MYOM2: variants seen among roughly 807,000 people sequenced by gnomAD.
MYOM2 encodes the protein myomesin-2.
MYOM2 carries 254 observed loss-of-function variants against 187.6 expected under a neutral mutation model. The observed-to-expected ratio is 1.35, with a 90% CI of 1.22 to 1.50. The LOEUF is 1.50. Among genes scored for constraint, MYOM2 ranks in the 40% most tolerant of loss-of-function variants. The pLI, the probability that MYOM2 is intolerant of heterozygous loss-of-function variation, is 0.00. For missense variants in MYOM2, 2,796 were observed against 1,924.0 expected (o/e 1.45, Z -8.48); for synonymous variants, 981 against 753.8 (o/e 1.30, Z -4.94).
intron 6 of MYOM2, among the ~76,000 whole-genome samples, chr8:2,060,993 C>T (rs919505129): frequency 6.6e-6 from 1 of 152,012 alleles, no homozygotes; most frequent in Non-Finnish European, 1.5e-5. Flanking sequence ...CGAGCCTCCC[C>T]AGCAGGGTTC....
At chr8:2,073,634 C>A in intron 10 of MYOM2, 134 bp downstream of exon 10, 1 of 1,092,378 alleles carries the variant, frequency 9.2e-7, no homozygotes, top group Non-Finnish European at 1.2e-6. Flanking sequence ...AGACCCCATG[C>A]GGCCCCGATT....
Position 2,052,233 on chromosome 8 carries a change from G to C in MYOM2, c.183G>C (p.Thr61=). The C allele has an allele frequency of 6.2e-7, 1 of 1,613,258 alleles. No individual in the cohort carries two copies. The highest frequency in any genetic ancestry group is 8.5e-7 in the Non-Finnish European group (1 of 1,179,774). ...CTTCACAGAGAGCCTCCAGCCAGAC[G>C]TCCCTGGGAGGAACCATCTGCAGGG... ...RSSSQRASSQ[T]SLGGTICRVC... is the part of the protein sequence containing the mutation. Residue 61 remains threonine (T), a synonymous_variant, in exon 3 of 37, where the codon ACG becomes ACC. Transcript: ENST00000262113.
At chr8:2,066,330 C>T (rs973117385) in intron 6 of MYOM2, among the ~76,000 whole-genome samples, 2 of 152,210 alleles carry the variant, frequency 1.3e-5, no homozygotes, top group Non-Finnish European at 2.9e-5. Flanking sequence ...AGATTCCGAT[C>T]AAGCAGATTT....
At chr8:2,066,312 A>T (rs1329747144) in intron 6 of MYOM2, among the ~76,000 whole-genome samples, 1 of 152,212 alleles carries the variant, frequency 6.6e-6, no homozygotes, top group African/African-American at 2.4e-5. Flanking sequence ...GACAGGCTCC[A>T]GGTCAGCAGA....
intron 15 of MYOM2, 138 bp downstream of exon 15, chr8:2,090,329 C>T (rs955745042): frequency 3.0e-5 from 23 of 754,192 alleles, no homozygotes; most frequent in African/African-American, 5.4e-5. Context: ...CTTCACTTTA[C>T]GAGAGATTAA....
intron 14 of MYOM2, among the ~76,000 whole-genome samples, chr8:2,086,397 G>GATCTCCGCGTGGCCCCCCACTGTCA (rs1796059158): frequency 1.4e-5 from 1 of 69,810 alleles, no homozygotes; most frequent in Non-Finnish European, 2.9e-5. Flanking sequence ...TCCCACTGTT[G>GATCTCCGCGTGGCCCCCCACTGTCA]TGATCTCTGC....
intron 21 of MYOM2, among the ~76,000 whole-genome samples, chr8:2,104,901 G>C (rs1796841055): frequency 6.6e-6 from 1 of 152,192 alleles, no homozygotes; most frequent in African/African-American, 2.4e-5. Flanking sequence ...AAAGACACGA[G>C]TCTATCTTAA....
At chr8:2,100,546 G>T (rs1175872162) in intron 19 of MYOM2, 2 of 286,708 alleles carry the variant, frequency 7.0e-6, no homozygotes, top group Non-Finnish European at 6.7e-6. Context: ...GTCCAGCCCC[G>T]TGGAGGGTAA....
intron 31 of MYOM2, chr8:2,127,607 G>A (rs1379443345): frequency 6.5e-6 from 1 of 154,630 alleles, no homozygotes; most frequent in African/African-American, 2.6e-5. Context: ...CGCAGCCGCA[G>A]GCAGGCAGTA....
chr8:2,049,149 G>T (rs543727465), intron 1 of MYOM2, among the ~76,000 whole-genome samples: 1 of 152,328 alleles, frequency 6.6e-6, no homozygotes, highest in Non-Finnish European at 1.5e-5. Context: ...TAGAATGCAT[G>T]CTGGTGCACT....
intron 31 of MYOM2, among the ~76,000 whole-genome samples, chr8:2,125,652 G>C (rs546954402): frequency 8.2e-6 from 1 of 122,348 alleles, no homozygotes; most frequent in South Asian, 2.6e-4. Context: ...CCTGTTGCCA[G>C]GCTGTAGTGC....
intron 21 of MYOM2, 120 bp downstream of exon 21, chr8:2,102,901 T>G: frequency 1.3e-6 from 1 of 741,116 alleles, no homozygotes; most frequent in Non-Finnish European, 2.3e-6. Flanking sequence ...ACGTGTTATG[T>G]GTGTATGTGT....
intron 32 of MYOM2, among the ~76,000 whole-genome samples, chr8:2,139,611 C>G (rs895615660): frequency 2.0e-5 from 3 of 152,192 alleles, no homozygotes; most frequent in Non-Finnish European, 2.9e-5. Flanking sequence ...ACAGCTGGCT[C>G]TCTGTGCAAC....
chr8:2,124,287 C>T lies in MYOM2; in HGVS notation c.3694+70C>T, dbSNP rs550369706. 7.5e-6 allele frequency: 11 copies of T among 1,467,270 alleles called. No individual in the cohort carries two copies. In the East Asian group the frequency reaches 2.5e-4, roughly 34 times the overall value. 90.9% of individuals were successfully genotyped at this position (1,467,270 alleles called of 1,614,324 possible). A position where few individuals can be genotyped will look rare whatever the true frequency, so the allele number is the denominator to read the frequency against. ...ATCACTATTTCCTGACACGGGAAGT[C>T]ACTGCTGCAAAAGAGGGCACCATGG... On this transcript the variant is annotated intron_variant, in intron 31 of 36. Coordinates refer to ENST00000262113, the MANE Select transcript of MYOM2 (RefSeq NM_003970.4).
At chr8:2,057,291 G>T in intron 3 of MYOM2, 57 bp from the exon 4 acceptor site, 1 of 1,554,216 alleles carries the variant, frequency 6.4e-7, no homozygotes, top group East Asian at 2.3e-5. Context: ...GGCCTTCGGG[G>T]GCCACGTGGT....
chr8:2,051,097 G>A (rs780353382), intron 2 of MYOM2, among the ~76,000 whole-genome samples: 2 of 152,258 alleles, frequency 1.3e-5, no homozygotes, highest in Non-Finnish European at 2.9e-5. Flanking sequence ...GCTCCTGATC[G>A]AGGTGGGGAG....
rs1395298028 is a variant in MYOM2, at chr8:2,127,609, C to G, written c.3695-1518C>G. ...CGTGACGCGGTGACGCAGCCGCAGG[C>G]AGGCAGTACCTCGGCGTGACGCGGT... On this transcript the variant is annotated intron_variant, in intron 31 of 36. Coordinates refer to ENST00000262113, the MANE Select transcript of MYOM2 (RefSeq NM_003970.4). 3 of 164,310 alleles carry G rather than the reference C, an allele frequency of 1.8e-5. 1 individual carries two copies. The highest frequency in any genetic ancestry group is 7.3e-5 in the African/African-American group (3 of 41,332). The allele number at this position is 164,310 out of a possible 1,614,324, so 10.2% of individuals were successfully genotyped here. A position where few individuals can be genotyped will look rare whatever the true frequency, so the allele number is the denominator to read the frequency against.
chr8:2,120,696 A>ATATATT (rs1491564842), intron 28 of MYOM2, among the ~76,000 whole-genome samples: 1 of 84,008 alleles, frequency 1.2e-5, no homozygotes, highest in East Asian at 3.2e-4. Flanking sequence ...ATAAATATAT[A>ATATATT]ATATATATAT....
chr8:2,083,112 A>G (rs1177958136), intron 13 of MYOM2, among the ~76,000 whole-genome samples: 1 of 152,258 alleles, frequency 6.6e-6, no homozygotes, highest in Non-Finnish European at 1.5e-5. Context: ...ATGTGAAAGC[A>G]TTTTAAAACA....
Sources: gnomAD v4.1 joint callset for allele counts (sites outside exome capture counted in the v4.1 genomes callset) on GRCh38, gnomAD v4.1.1 for gene constraint, MANE v1.5 for transcripts, NCBI Gene and HGNC (gene_info 2026-07-23, HGNC 2026-07-21) for gene names.